Variants in DOK5 observed in about 807,000 individuals in gnomAD.
DOK5 encodes docking protein 5, also known as downstream of tyrosine kinase 5.
A neutral mutation model predicts 43.3 loss-of-function variants in DOK5; 27 were observed. The ratio of observed to expected loss-of-function variants is 0.62; its 90% CI spans 0.46 to 0.86. The LOEUF is 0.86. Among genes scored for constraint, DOK5 ranks in the 40% least tolerant of loss-of-function variants. DOK5 has a pLI of 0.00. For missense variants in DOK5, 373 were observed against 392.9 expected (o/e 0.95, Z 0.43); for synonymous variants, 146 against 140.1 (o/e 1.04, Z -0.30).
chr20:54,513,485 A>C (rs1220296748), intron 1 of DOK5, among the ~76,000 whole-genome samples: 1 of 150,984 alleles, frequency 6.6e-6, no homozygotes, highest in Non-Finnish European at 1.5e-5. Context: ...AAAAAAAAAA[A>C]AAACCCAACA....
At chr20:54,477,439 G>A (rs147788711) in intron 1 of DOK5, among the ~76,000 whole-genome samples, 5 of 152,314 alleles carry the variant, frequency 3.3e-5, no homozygotes, top group African/African-American at 9.6e-5. Flanking sequence ...AGGGAGAAAT[G>A]TAACAGAATT....
rs1024298016 is a variant in DOK5, at chr20:54,562,288, G to A, written c.174+7248G>A. ...ATAGTAGAAATGTTAGGGAACCCTG[G>A]TGTATTGAGAATTAAAAGGGCCATG... On this transcript the variant is annotated intron_variant, in intron 2 of 7. Coordinates refer to ENST00000262593, the MANE Select transcript of DOK5 (RefSeq NM_018431.5). Among the ~76,000 whole-genome samples the A allele has an allele frequency of 3.3e-5, 5 of 152,240 alleles. No individual in the cohort carries two copies. The South Asian group carries it at 8.3e-4, about 25-fold the overall frequency.
chr20:54,618,462 G>T (rs1427799829), intron 6 of DOK5, among the ~76,000 whole-genome samples: 2 of 151,658 alleles, frequency 1.3e-5, no homozygotes, highest in Non-Finnish European at 2.9e-5. Flanking sequence ...TTCCCCCTCA[G>T]CCTCCCTAGT....
chr20:54,543,274 C>T lies in DOK5; in HGVS notation c.67-11659C>T, dbSNP rs148984141. Among the ~76,000 whole-genome samples the T allele has an allele frequency of 4.0e-3, 469 of 118,410 alleles. 4 individuals carry two copies. The highest frequency in any genetic ancestry group is 0.015 in the African/African-American group (449 of 30,722). 77.7% of individuals were successfully genotyped at this position (118,410 alleles called of 152,430 possible). The stretch of plus-strand genomic sequence containing the variant: ...AAAGAACTCATACATTTATATATCC[C>T]GAATGATGAAATGAATATTCAAAAG... On this transcript the variant is annotated intron_variant, in intron 1 of 7. Transcript: ENST00000262593.
rs557251292 is a variant in DOK5, at chr20:54,493,863, C to T, written c.66+17851C>T. Among the ~76,000 whole-genome samples, 6 of 152,206 alleles carry T rather than the reference C, an allele frequency of 3.9e-5. No homozygotes were observed. In the South Asian group the frequency reaches 1.2e-3, roughly 32 times the overall value. On this transcript the variant is annotated intron_variant, in intron 1 of 7. Coordinates refer to ENST00000262593, the MANE Select transcript of DOK5 (RefSeq NM_018431.5). Reference sequence around the variant, plus strand: ...CTGAGGTGGGAGGATCATTTAGGCCCAGGAGTTGGAGGCTGCAGTGAGCCA... The same window carrying T: ...CTGAGGTGGGAGGATCATTTAGGCCTAGGAGTTGGAGGCTGCAGTGAGCCA...
intron 6 of DOK5, among the ~76,000 whole-genome samples, chr20:54,637,516 A>T (rs1978879240): frequency 1.3e-5 from 2 of 152,230 alleles, no homozygotes; most frequent in Non-Finnish European, 2.9e-5. Flanking sequence ...CATAAGAAAG[A>T]TCTTTCCCCA....
chr20:54,570,631 T>A (rs1005743578), intron 2 of DOK5, among the ~76,000 whole-genome samples: 6 of 152,152 alleles, frequency 3.9e-5, no homozygotes, highest in Non-Finnish European at 8.8e-5. Flanking sequence ...AGGGAAAAAT[T>A]GGAAATCTGA....
At chr20:54,588,827 CCT>C (rs1568798434) in intron 4 of DOK5, 21 bp downstream of exon 4, 3 of 1,611,292 alleles carry the variant, frequency 1.9e-6, no homozygotes, top group Non-Finnish European at 1.7e-6. Context: ...AAAATTCTCT[CCT>C]CTCTCTTTCA....
At chr20:54,559,231 G>C (rs1350837746) in intron 2 of DOK5, among the ~76,000 whole-genome samples, 1 of 152,208 alleles carries the variant, frequency 6.6e-6, no homozygotes, top group Non-Finnish European at 1.5e-5. Context: ...AGAGGAAATA[G>C]AGTGGAAGGA....
chr20:54,482,906 A>G (rs1052304364), intron 1 of DOK5, among the ~76,000 whole-genome samples: 2 of 152,358 alleles, frequency 1.3e-5, no homozygotes, highest in South Asian at 4.1e-4. Context: ...ACTCTTTAAG[A>G]ACAAGAGGCT....
intron 2 of DOK5, among the ~76,000 whole-genome samples, chr20:54,564,845 C>T (rs1985041216): frequency 6.6e-6 from 1 of 152,196 alleles, no homozygotes; most frequent in Admixed American, 6.5e-5. Flanking sequence ...TATATCAAAG[C>T]TCATTGCCAA....
chr20:54,531,235 G>T (rs1317578128), intron 1 of DOK5, among the ~76,000 whole-genome samples: 1 of 152,144 alleles, frequency 6.6e-6, no homozygotes, highest in African/African-American at 2.4e-5. Flanking sequence ...TGTGGTATTG[G>T]AAAAGCCTTT....
At chr20:54,511,304 T>G (rs1298404109) in intron 1 of DOK5, among the ~76,000 whole-genome samples, 1 of 152,204 alleles carries the variant, frequency 6.6e-6, no homozygotes, top group Admixed American at 6.5e-5. Context: ...ACATAGTAGG[T>G]GCTCAATAAA....
At chr20:54,516,756 G>A (rs770461789) in intron 1 of DOK5, among the ~76,000 whole-genome samples, 3 of 152,176 alleles carry the variant, frequency 2.0e-5, no homozygotes, top group African/African-American at 7.2e-5. Context: ...TAAAAGTCAA[G>A]CTTTTTGCTA....
intron 1 of DOK5, among the ~76,000 whole-genome samples, chr20:54,551,191 G>A (rs529976456): frequency 3.9e-5 from 6 of 152,110 alleles, no homozygotes; most frequent in Admixed American, 2.0e-4. Flanking sequence ...GAACATCTGC[G>A]CACCCTCTCC....
rs572329934 is a variant in DOK5, at chr20:54,591,647, T to C, written c.441T>C (p.Pro147=). The C allele has an allele frequency of 6.2e-7, 1 of 1,612,314 alleles. No homozygotes were observed. Among genetic ancestry groups the C allele is most frequent in the East Asian group, 2.2e-5 (1 of 44,794 alleles). ...TCAATGTGTATTTGATGCCATCTCC[T>C]AACTTAGATGTACATGGCGAATGTG... is the stretch of plus-strand genomic sequence containing the variant. The part of the protein sequence containing the change: ...ERFNVYLMPS[P]NLDVHGECAL... Residue 147 remains proline (P), a synonymous_variant, in exon 5 of 8, where the codon CCT becomes CCC. Transcript: ENST00000262593.
chr20:54,650,304 C>A, intron 7 of DOK5, 111 bp from the exon 8 acceptor site: 1 of 996,014 alleles, frequency 1.0e-6, no homozygotes, highest in South Asian at 1.6e-5. Context: ...GGAAAAAATT[C>A]TGCCTTAAGT....
chr20:54,497,102 C>T (rs1280922602), intron 1 of DOK5, among the ~76,000 whole-genome samples: 1 of 152,192 alleles, frequency 6.6e-6, no homozygotes, highest in East Asian at 1.9e-4. Flanking sequence ...ATTATGGCTC[C>T]TGAATCACAG....
chr20:54,591,686 A>C lies in DOK5; in HGVS notation c.480A>C (p.Thr160=). ...DVHGECALQI[T]YEYICLWDVQ... ...ATGGCGAATGTGCCTTGCAGATTAC[A>C]TATGAGTATATCTGTCTTTGGGACG... Residue 160 remains threonine (T), a synonymous_variant, in exon 5 of 8, where the codon ACA becomes ACC. Transcript: ENST00000262593. 1.2e-6 allele frequency: 2 copies of C among 1,614,168 alleles called. No homozygotes were observed. Among genetic ancestry groups the C allele is most frequent in the Non-Finnish European group, 1.7e-6 (2 of 1,179,984 alleles).
Sources: allele counts gnomAD v4.1 joint callset (sites outside exome capture counted in the v4.1 genomes callset), GRCh38; gene constraint gnomAD v4.1.1; transcripts MANE v1.5; gene names NCBI Gene and HGNC (gene_info 2026-07-23, HGNC 2026-07-21).